Variants in DPYD observed in about 807,000 individuals in gnomAD.
DPYD encodes dihydropyrimidine dehydrogenase [NADP(+)].
A neutral mutation model predicts 116.2 loss-of-function variants in DPYD; 109 were observed. The observed-to-expected ratio is 0.94, with a 90% CI of 0.80 to 1.10. DPYD has a LOEUF of 1.10. Among genes scored for constraint, DPYD ranks in the 50% least tolerant of loss-of-function variants. The probability of loss-of-function intolerance (pLI) is 0.00; values close to 1 mark genes in which losing one functional copy is unlikely to be tolerated. For missense variants in DPYD, 1,302 were observed against 1,254.5 expected (o/e 1.04, Z -0.57); for synonymous variants, 440 against 432.0 (o/e 1.02, Z -0.23).
intron 8 of DPYD, among the ~76,000 whole-genome samples, chr1:97,630,198 C>A (rs532431959): frequency 2.1e-4 from 32 of 151,984 alleles, no homozygotes; most frequent in Non-Finnish European, 4.4e-4. Flanking sequence ...ATATAAAGCA[C>A]TATATAAATA....
intron 12 of DPYD, among the ~76,000 whole-genome samples, chr1:97,532,975 A>T (rs1649744224): frequency 1.4e-5 from 2 of 146,964 alleles, no homozygotes. Context: ...AAGTTAGGTT[A>T]TTTATTTCAG....
rs886046573 is a variant in DPYD at position 97,078,734 on chromosome 1, C to T, written c.*242G>A. The T allele has an allele frequency of 3.6e-5, 18 of 500,702 alleles. No homozygotes were observed. The highest frequency in any genetic ancestry group is 6.1e-5 in the Non-Finnish European group (17 of 280,048). The allele number at this position is 500,702 out of a possible 1,614,324, so 31.0% of individuals were successfully genotyped here. ...CTGGCAGTGAACATCCAATTAACTG[C>T]CACACAGTTATTTAACTACTATCCT... On this transcript the variant is annotated 3_prime_UTR_variant, in exon 23 of 23. Transcript: ENST00000370192.
At chr1:97,801,614 C>T (rs892172608) in intron 3 of DPYD, among the ~76,000 whole-genome samples, 2 of 151,696 alleles carry the variant, frequency 1.3e-5, no homozygotes, top group South Asian at 2.1e-4. Context: ...CCAAAAAAGG[C>T]GAACCTGAGA....
intron 10 of DPYD, among the ~76,000 whole-genome samples, chr1:97,584,944 T>TATAATA (rs375682343): frequency 0.65 from 95,217 of 145,846 alleles, 31,617 homozygotes; most frequent in Admixed American, 0.75. Context: ...AAACTTAAAG[T>TATAATA]ATAATAATAA....
At chr1:97,613,569 T>A (rs1427008120) in intron 8 of DPYD, among the ~76,000 whole-genome samples, 1 of 152,042 alleles carries the variant, frequency 6.6e-6, no homozygotes, top group East Asian at 1.9e-4. Context: ...ACACCTGTTT[T>A]CAACGCATGA....
intron 21 of DPYD, among the ~76,000 whole-genome samples, chr1:97,086,932 C>T (rs998114154): frequency 6.6e-6 from 1 of 152,204 alleles, no homozygotes; most frequent in Non-Finnish European, 1.5e-5. Context: ...GCTATTTAAT[C>T]ATTTAACTAT....
intron 8 of DPYD, among the ~76,000 whole-genome samples, chr1:97,614,359 G>A (rs1656137620): frequency 6.6e-6 from 1 of 152,058 alleles, no homozygotes; most frequent in Non-Finnish European, 1.5e-5. Context: ...TGTGTTTTCA[G>A]TAGATCAAGT....
intron 3 of DPYD, among the ~76,000 whole-genome samples, chr1:97,744,418 T>C (rs1400937856): frequency 6.6e-6 from 1 of 151,982 alleles, no homozygotes; most frequent in South Asian, 2.1e-4. Flanking sequence ...TGAGTTTAAA[T>C]GGCTGAATTA....
chr1:97,743,913 T>G (rs567029555), intron 3 of DPYD, among the ~76,000 whole-genome samples: 71 of 152,228 alleles, frequency 4.7e-4, no homozygotes, highest in African/African-American at 1.6e-3. Context: ...GAAACAATTA[T>G]GTCATACATT....
intron 5 of DPYD, chr1:97,720,520 T>G: frequency 9.9e-7 from 1 of 1,013,186 alleles, no homozygotes; most frequent in Non-Finnish European, 1.2e-6. Context: ...TCGAATTGTT[T>G]TTATTTTCTT....
chr1:97,638,871 G>A (rs761458297), intron 8 of DPYD, among the ~76,000 whole-genome samples: 2 of 152,140 alleles, frequency 1.3e-5, no homozygotes, highest in Non-Finnish European at 2.9e-5. Context: ...CTAGTCCCAT[G>A]ATTCAAACAC....
intron 19 of DPYD, among the ~76,000 whole-genome samples, chr1:97,214,760 G>T (rs12120068): frequency 4.1e-4 from 63 of 152,204 alleles, no homozygotes; most frequent in African/African-American, 1.4e-3. Context: ...GTTGTTCCAC[G>T]TGGCCAGTTG....
intron 19 of DPYD, among the ~76,000 whole-genome samples, chr1:97,223,603 A>G (rs1467454094): frequency 2.0e-5 from 3 of 152,092 alleles, no homozygotes; most frequent in Admixed American, 6.6e-5. Context: ...TATAGTATGT[A>G]TATTTTTTAT....
intron 14 of DPYD, among the ~76,000 whole-genome samples, chr1:97,391,508 T>C (rs1376799524): frequency 6.6e-6 from 1 of 152,022 alleles, no homozygotes; most frequent in Non-Finnish European, 1.5e-5. Context: ...GATTCTGTGT[T>C]ACCTTGTATG....
intron 20 of DPYD, among the ~76,000 whole-genome samples, chr1:97,191,194 A>G (rs1390907046): frequency 6.6e-6 from 1 of 151,968 alleles, no homozygotes; most frequent in Non-Finnish European, 1.5e-5. Context: ...AAATATAAAC[A>G]TAATAAAAAG....
chr1:97,859,788 C>T (rs976629151), intron 2 of DPYD, among the ~76,000 whole-genome samples: 9 of 151,496 alleles, frequency 5.9e-5, no homozygotes, highest in Non-Finnish European at 1.2e-4. Context: ...AAAATAAATA[C>T]TCACGTATTT....
At chr1:97,783,822 GTAATTTATTCTAAATCCCAAGTC>G (rs1384496750) in intron 3 of DPYD, among the ~76,000 whole-genome samples, 1 of 152,208 alleles carries the variant, frequency 6.6e-6, no homozygotes, top group Admixed American at 6.5e-5. Context: ...CTTATGGTCA[GTAATTTATTCTAAATCCCAAGTC>G]TAACCCAATA....
intron 11 of DPYD, among the ~76,000 whole-genome samples, chr1:97,570,324 T>C (rs988704190): frequency 9.2e-5 from 14 of 152,044 alleles, no homozygotes; most frequent in African/African-American, 3.4e-4. Context: ...AATTTATCAC[T>C]GTACTTTATA....
intron 20 of DPYD, among the ~76,000 whole-genome samples, chr1:97,101,028 T>C (rs1650643764): frequency 6.6e-6 from 1 of 151,986 alleles, no homozygotes; most frequent in Non-Finnish European, 1.5e-5. Flanking sequence ...CCTACAGGAT[T>C]TTCTTTGTGC....
Sources: allele counts gnomAD v4.1 joint callset (sites outside exome capture counted in the v4.1 genomes callset), GRCh38; gene constraint gnomAD v4.1.1; transcripts MANE v1.5; gene names NCBI Gene and HGNC (gene_info 2026-07-23, HGNC 2026-07-21).